Variants in SLC7A9 observed in about 807,000 individuals in gnomAD.
SLC7A9 encodes the protein solute carrier family 7 member 9, also known as B(0,+)-type amino acid transporter 1.
SLC7A9 carries 38 observed loss-of-function variants against 54.1 expected under a neutral mutation model. The ratio of observed to expected loss-of-function variants is 0.70; its 90% CI spans 0.54 to 0.92. The LOEUF is 0.92. Ranked by LOEUF, SLC7A9 falls within the 40% of genes least tolerant of loss-of-function variation. SLC7A9 has a pLI of 0.00. For missense variants in SLC7A9, 537 were observed against 636.1 expected, an observed-to-expected ratio of 0.84 and a Z score of 1.68; for synonymous variants, 264 against 258.9, an observed-to-expected ratio of 1.02 and a Z score of -0.19.
rs774503029 is a variant in SLC7A9, at chr19:32,864,342, G to C, written c.236-4C>G. 8 of 1,613,792 alleles carry C rather than the reference G, an allele frequency of 5.0e-6. No homozygotes were observed. The East Asian group carries it at 1.8e-4, about 36-fold the overall frequency. ...AGCTCCGCAAAGCACAGGGCACCTG[G>C]AACACAGAGAGGAAGGGCCCACAGG... On this transcript the variant is annotated splice_polypyrimidine_tract_variant and splice_region_variant and intron_variant, in intron 3 of 12. Transcript: ENST00000023064.
chr19:32,855,554 T>G (rs1178064705), intron 9 of SLC7A9, among the ~76,000 whole-genome samples: 2 of 151,838 alleles, frequency 1.3e-5, no homozygotes, highest in African/African-American at 4.8e-5. Context: ...AAAAAAAAAT[T>G]AGCCGGGCGT....
chr19:32,848,568 C>T (rs1434481395), intron 9 of SLC7A9, among the ~76,000 whole-genome samples: 4 of 152,122 alleles, frequency 2.6e-5, no homozygotes, highest in African/African-American at 9.7e-5. Context: ...GACTTAGACT[C>T]CCACACAATA....
rs1471145800 is a variant in SLC7A9, at chr19:32,842,086, C to T, written c.1224+82G>A. ...GTCAAGTCAGATTGGAACTAGAAGG[C>T]ATGCCCCTAGCATTTGAAAGAGTTA... On this transcript the variant is annotated intron_variant, in intron 11 of 12. Coordinates refer to ENST00000023064, the MANE Select transcript of SLC7A9 (RefSeq NM_014270.5). 5.2e-6 allele frequency: 7 copies of T among 1,346,692 alleles called. No individual in the cohort carries two copies. In the African/African-American group the frequency reaches 5.8e-5, roughly 11 times the overall value. The allele number at this position is 1,346,692 out of a possible 1,614,324, so 83.4% of individuals were successfully genotyped here. A position where few individuals can be genotyped will look rare whatever the true frequency, so the allele number is the denominator to read the frequency against.
chr19:32,859,758 G>A, intron 8 of SLC7A9, 83 bp downstream of exon 8: 1 of 1,151,792 alleles, frequency 8.7e-7, no homozygotes, highest in Middle Eastern at 2.5e-4. Context: ...TCCCTGGGAG[G>A]GAGCTCACCT....
Position 32,833,217 on chromosome 19 carries a change from A to G in SLC7A9, c.1331T>C (p.Ile444Thr). 1 of 1,614,228 alleles carries G rather than the reference A, an allele frequency of 6.2e-7. No individual in the cohort carries two copies. The highest frequency in any genetic ancestry group is 1.3e-5 in the African/African-American group (1 of 75,058). Residue 444 changes from isoleucine (I) to threonine (T), a missense_variant, in exon 12 of 13, where the codon ATA (isoleucine) becomes ACA (threonine). Transcript: ENST00000023064. Reference protein sequence around the residue: ...TWEYLYCVLFILSGLLFYFLF... With the variant: ...TWEYLYCVLFTLSGLLFYFLF... ...GAAGTAAAATAAAAGGCCGCTTAAT[A>G]TAAACAGCACACAGTAGAGGTACTC...
intron 11 of SLC7A9, among the ~76,000 whole-genome samples, chr19:32,838,606 A>G (rs905627626): frequency 1.3e-5 from 2 of 148,154 alleles, no homozygotes; most frequent in African/African-American, 4.9e-5. Context: ...TATTATACAT[A>G]TACCTATAAT....
chr19:32,862,670 T>G, intron 4 of SLC7A9, 84 bp from the exon 5 acceptor site: 5 of 1,015,980 alleles, frequency 4.9e-6, no homozygotes, highest in Non-Finnish European at 6.4e-6. Context: ...TATTTTTTAT[T>G]TTTTTTTTTT....
At chr19:32,847,127 C>T (rs1481523428) in intron 9 of SLC7A9, among the ~76,000 whole-genome samples, 1 of 152,160 alleles carries the variant, frequency 6.6e-6, no homozygotes, top group Non-Finnish European at 1.5e-5. Context: ...AAGCAGAGTG[C>T]CTCTCCTCTT....
chr19:32,835,429 A>G lies in SLC7A9; in HGVS notation c.1225-2106T>C, dbSNP rs1355180198. Among the ~76,000 whole-genome samples, 5 of 152,272 alleles carry G rather than the reference A, an allele frequency of 3.3e-5. No homozygotes were observed. In the East Asian group the frequency reaches 9.6e-4, roughly 29 times the overall value. On this transcript the variant is annotated intron_variant, in intron 11 of 12. Coordinates refer to ENST00000023064, the MANE Select transcript of SLC7A9 (RefSeq NM_014270.5). ...TTACAACATAAGTTATGTTCTAAAG[A>G]TTAATACAAATCATAAGACTATTTT... is the stretch of plus-strand genomic sequence containing the variant.
At chr19:32,858,329 G>A (rs760043889) in intron 9 of SLC7A9, 111 bp downstream of exon 9, 39 of 765,298 alleles carry the variant, frequency 5.1e-5, no homozygotes, top group Non-Finnish European at 7.2e-5. Flanking sequence ...TTGTACTGGC[G>A]TGGGTTTCGC....
rs552406786 is a variant in SLC7A9, at chr19:32,855,772, G to C, written c.977+2668C>G. ...CATTATCAGTACTGCACGTACCCCTGTCCAGCACACAGCACAAGCACCATC... is the reference window on the plus strand; with the variant it reads ...CATTATCAGTACTGCACGTACCCCTCTCCAGCACACAGCACAAGCACCATC... On this transcript the variant is annotated intron_variant, in intron 9 of 12. Coordinates refer to ENST00000023064, the MANE Select transcript of SLC7A9 (RefSeq NM_014270.5). 1.5e-3 allele frequency among the ~76,000 whole-genome samples: 229 copies of C among 151,984 alleles called. 2 individuals carry two copies. Among genetic ancestry groups the C allele is most frequent in the African/African-American group, 5.2e-3 (217 of 41,508 alleles).
chr19:32,837,310 C>A (rs1229075173), intron 11 of SLC7A9, among the ~76,000 whole-genome samples: 4 of 152,088 alleles, frequency 2.6e-5, no homozygotes, highest in Admixed American at 6.6e-5. Context: ...GTCTGGCCCA[C>A]ATGGCGAAAC....
At chr19:32,834,894 A>G (rs867525171) in intron 11 of SLC7A9, among the ~76,000 whole-genome samples, 2 of 151,980 alleles carry the variant, frequency 1.3e-5, no homozygotes, top group African/African-American at 4.8e-5. Flanking sequence ...GGGTTCAAAC[A>G]GTTCTCCTGC....
At position 32,858,561 on chromosome 19, in the gene SLC7A9, A is replaced by T. The variant is rs1470800624; in HGVS notation, c.874-18T>A. On this transcript the variant is annotated intron_variant, in intron 8 of 12. Transcript: ENST00000023064. ...CCAAATGTCTGGTGAGAGAAGCGAG[A>T]TGAGTCCTGAGGGTCTTTCTTGGCC... is the stretch of plus-strand genomic sequence containing the variant. 1 of 1,589,108 alleles carries T rather than the reference A, an allele frequency of 6.3e-7. No homozygotes were observed. The highest frequency in any genetic ancestry group is 8.6e-7 in the Non-Finnish European group (1 of 1,160,642).
At chr19:32,853,827 G>T (rs911249430) in intron 9 of SLC7A9, among the ~76,000 whole-genome samples, 2 of 149,758 alleles carry the variant, frequency 1.3e-5, no homozygotes, top group Non-Finnish European at 3.0e-5. Context: ...TGAGGCATGA[G>T]AATCGCTTGA....
chr19:32,831,772 C>T (rs1160117313), intron 12 of SLC7A9, among the ~76,000 whole-genome samples: 7 of 149,040 alleles, frequency 4.7e-5, no homozygotes, highest in Admixed American at 4.6e-4. Flanking sequence ...AAGGCTTGGG[C>T]CCCAGCCCAG....
At chr19:32,862,382 G>A (rs779217312) in intron 5 of SLC7A9, 79 bp downstream of exon 5, 20 of 1,589,364 alleles carry the variant, frequency 1.3e-5, no homozygotes, top group Middle Eastern at 2.0e-4. Context: ...AGATGGGCTC[G>A]TGGGGCAAGG....
At chr19:32,831,978 A>G (rs561804289) in intron 12 of SLC7A9, among the ~76,000 whole-genome samples, 1 of 152,370 alleles carries the variant, frequency 6.6e-6, no homozygotes, top group African/African-American at 2.4e-5. Flanking sequence ...GTCTTTCGCA[A>G]TTAAAAAGAA....
intron 4 of SLC7A9, 150 bp from the exon 5 acceptor site, chr19:32,862,736 G>T: frequency 1.6e-6 from 1 of 631,332 alleles, no homozygotes; most frequent in Non-Finnish European, 2.3e-6. Context: ...CATGATCTCA[G>T]CTCACGATCT....
Sources: gnomAD v4.1 joint callset for allele counts (sites outside exome capture counted in the v4.1 genomes callset) on GRCh38, gnomAD v4.1.1 for gene constraint, MANE v1.5 for transcripts, NCBI Gene and HGNC (gene_info 2026-07-23, HGNC 2026-07-21) for gene names.